Variants in HIGD1C observed in about 807,000 individuals in gnomAD.
HIGD1C encodes the protein HIG1 domain family member 1C.
HIGD1C carries 11 observed loss-of-function variants against 13.1 expected under a neutral mutation model. That is an observed-to-expected ratio of 0.84 (90% CI 0.53 to 1.39). HIGD1C has a LOEUF of 1.39. Ranked by LOEUF, HIGD1C falls within the 40% of genes most tolerant of loss-of-function variation. HIGD1C has a pLI of 0.00. For missense variants in HIGD1C, 110 were observed against 112.0 expected (o/e 0.98, Z 0.08); for synonymous variants, 36 against 37.7 (o/e 0.95, Z 0.17).
At chr12:50,933,602 G>C in the HIGD1C span, among the ~76,000 whole-genome samples, 3 of 152,214 alleles carry the variant, frequency 2.0e-5, no homozygotes, top group Non-Finnish European at 4.4e-5. Flanking sequence ...AAATGGCTCT[G>C]ACCTTCATGC....
At chr12:50,968,026 G>T (rs998352288) in intron 2 of HIGD1C, among the ~76,000 whole-genome samples, 2 of 152,126 alleles carry the variant, frequency 1.3e-5, no homozygotes, top group South Asian at 4.1e-4. Flanking sequence ...GGTCGAGGCT[G>T]CATGAGCCTT....
At chr12:50,948,043 C>A in the HIGD1C span, among the ~76,000 whole-genome samples, 12 of 152,184 alleles carry the variant, frequency 7.9e-5, no homozygotes, top group African/African-American at 2.7e-4. Flanking sequence ...AAATACTGCC[C>A]TTACACTCTA....
chr12:50,933,135 A>G, the HIGD1C span, among the ~76,000 whole-genome samples: 1 of 152,206 alleles, frequency 6.6e-6, no homozygotes, highest in African/African-American at 2.4e-5. Flanking sequence ...AGAAATAAAT[A>G]AATGAAGTTT....
At chr12:50,970,299 C>T in intron 2 of HIGD1C, 143 bp from the exon 5 acceptor site, 1 of 643,804 alleles carries the variant, frequency 1.6e-6, no homozygotes, top group South Asian at 1.9e-5. Context: ...TTGTATGATC[C>T]AAACCAAAAA....
At chr12:50,934,607 C>T in the HIGD1C span, among the ~76,000 whole-genome samples, 3 of 152,148 alleles carry the variant, frequency 2.0e-5, no homozygotes, top group African/African-American at 7.2e-5. Flanking sequence ...GGGTGCCCAG[C>T]GAATGTAATC....
the HIGD1C span, among the ~76,000 whole-genome samples, chr12:50,940,432 G>C: frequency 2.6e-5 from 4 of 152,118 alleles, no homozygotes; most frequent in Admixed American, 6.5e-5. Context: ...AAAAGCAAAG[G>C]CTTGGCCAGG....
the HIGD1C span, among the ~76,000 whole-genome samples, chr12:50,937,839 T>C: frequency 2.0e-5 from 3 of 152,210 alleles, no homozygotes; most frequent in African/African-American, 4.8e-5. Flanking sequence ...GGTTGTCTCA[T>C]TGAGTGTGTG....
intron 1 of HIGD1C, 77 bp from the exon 4 acceptor site, chr12:50,960,891 G>T: frequency 7.8e-7 from 1 of 1,281,154 alleles, no homozygotes; most frequent in Non-Finnish European, 1.1e-6. Context: ...TGTTGCCCAG[G>T]CTGTTTTCAA....
chr12:50,954,853 A>G (rs995858610), intron 1 of HIGD1C, among the ~76,000 whole-genome samples: 12 of 152,228 alleles, frequency 7.9e-5, no homozygotes, highest in African/African-American at 2.9e-4. Context: ...GAAAGCTCTG[A>G]GTAAAAGCCT....
At chr12:50,939,510 T>C in the HIGD1C span, among the ~76,000 whole-genome samples, 243 of 152,278 alleles carry the variant, frequency 1.6e-3, 1 homozygote, top group African/African-American at 5.6e-3. Context: ...CTACTAATGA[T>C]AAAATCGAAT....
chr12:50,953,179 C>A (rs984715375), upstream of HIGD1C, among the ~76,000 whole-genome samples: 5 of 152,326 alleles, frequency 3.3e-5, no homozygotes, highest in East Asian at 5.8e-4. Context: ...CCTGGCCTTA[C>A]AACAAACACC....
upstream of HIGD1C, among the ~76,000 whole-genome samples, chr12:50,952,413 C>T (rs745882664): frequency 6.6e-6 from 1 of 152,180 alleles, no homozygotes; most frequent in African/African-American, 2.4e-5. Context: ...ACCATGAACG[C>T]TACCTGATCC....
At chr12:50,972,106 G>C (rs907924830), downstream of HIGD1C, among the ~76,000 whole-genome samples, 1 of 152,168 alleles carries the variant, frequency 6.6e-6, no homozygotes, top group African/African-American at 2.4e-5. Context: ...ATTAAGGTCA[G>C]GAAAACTGAG....
intron 1 of HIGD1C, among the ~76,000 whole-genome samples, chr12:50,955,803 A>G (rs1295247591): frequency 6.6e-6 from 1 of 152,224 alleles, no homozygotes; most frequent in Non-Finnish European, 1.5e-5. Flanking sequence ...ATGCTACTTG[A>G]ACAGATCACT....
intron 1 of HIGD1C, among the ~76,000 whole-genome samples, chr12:50,956,146 C>T (rs1362668236): frequency 6.6e-6 from 1 of 152,226 alleles, no homozygotes; most frequent in Non-Finnish European, 1.5e-5. Flanking sequence ...AATCCCAACA[C>T]TTTGGCAGGC....
intron 2 of HIGD1C, among the ~76,000 whole-genome samples, chr12:50,962,288 A>G (rs148274304): frequency 0.017 from 2,579 of 151,886 alleles, 35 homozygotes; most frequent in Non-Finnish European, 0.028. Flanking sequence ...ACATGCCTGT[A>G]ATCCCAGCTA....
At chr12:50,963,724 C>T (rs987180713) in intron 2 of HIGD1C, among the ~76,000 whole-genome samples, 3 of 152,278 alleles carry the variant, frequency 2.0e-5, no homozygotes, top group Non-Finnish European at 4.4e-5. Flanking sequence ...AAGAAGAATT[C>T]GACTGCTGCA....
chr12:50,939,059 C>T, the HIGD1C span, among the ~76,000 whole-genome samples: 1 of 152,192 alleles, frequency 6.6e-6, no homozygotes, highest in African/African-American at 2.4e-5. Flanking sequence ...AACAATGCTA[C>T]ATGTTGGTCT....
the HIGD1C span, among the ~76,000 whole-genome samples, chr12:50,933,635 G>A: frequency 4.9e-4 from 74 of 152,360 alleles, no homozygotes; most frequent in African/African-American, 1.6e-3. Context: ...AGCCCAGTTA[G>A]AAAGAGCAAG....
Sources: allele counts gnomAD v4.1 joint callset (sites outside exome capture counted in the v4.1 genomes callset), GRCh38; gene constraint gnomAD v4.1.1; transcripts MANE v1.5; gene names NCBI Gene and HGNC (gene_info 2026-07-23, HGNC 2026-07-21).